Variants in DRC8 observed in about 807,000 individuals in gnomAD.
DRC8 encodes dynein regulatory complex subunit 8.
At chr1:245,121,271 G>A in the DRC8 span, among the ~76,000 whole-genome samples, 1 of 152,326 alleles carries the variant, frequency 6.6e-6, no homozygotes, top group East Asian at 1.9e-4. Context: ...TGTGATCGTT[G>A]CTGTTCCAAG....
chr1:244,970,792 C>T, the DRC8 span: 1 of 372,932 alleles, frequency 2.7e-6, no homozygotes, highest in East Asian at 4.5e-5. Flanking sequence ...CTTCCCCCTC[C>T]CTCGGAGGCC....
At chr1:244,985,148 C>T in the DRC8 span, among the ~76,000 whole-genome samples, 21 of 144,368 alleles carry the variant, frequency 1.5e-4, no homozygotes, top group Middle Eastern at 0.011. Flanking sequence ...CTTCATTATA[C>T]GCTTCATCAT....
At chr1:245,083,802 A>T in the DRC8 span, 1 of 1,422,910 alleles carries the variant, frequency 7.0e-7, no homozygotes, top group Non-Finnish European at 9.3e-7. Context: ...GGTGAAAGTT[A>T]TTTACTGTTC....
At chr1:245,031,183 C>T in the DRC8 span, among the ~76,000 whole-genome samples, 6 of 151,880 alleles carry the variant, frequency 4.0e-5, no homozygotes, top group South Asian at 2.1e-4. Context: ...GTAAACTCAC[C>T]GGTTTATTAC....
chr1:245,081,332 T>G, the DRC8 span, among the ~76,000 whole-genome samples: 1 of 151,780 alleles, frequency 6.6e-6, no homozygotes, highest in Non-Finnish European at 1.5e-5. Context: ...TGGCTAATTT[T>G]TTGTAGTTTT....
chr1:245,053,924 A>G, the DRC8 span, among the ~76,000 whole-genome samples: 10 of 152,090 alleles, frequency 6.6e-5, no homozygotes, highest in Non-Finnish European at 7.4e-5. Flanking sequence ...GGGTGGCTGG[A>G]AGAACACTGA....
chr1:244,970,692 C>A, the DRC8 span: 2 of 453,286 alleles, frequency 4.4e-6, no homozygotes, highest in South Asian at 2.9e-5. Flanking sequence ...TCTCTCCCCT[C>A]TTCCCTCCCT....
chr1:245,012,929 A>G, the DRC8 span, among the ~76,000 whole-genome samples: 2 of 152,230 alleles, frequency 1.3e-5, no homozygotes, highest in Admixed American at 1.3e-4. Context: ...ATGCTATGGT[A>G]ATGGCACAAG....
At chr1:244,984,789 C>G in the DRC8 span, among the ~76,000 whole-genome samples, 1 of 150,108 alleles carries the variant, frequency 6.7e-6, no homozygotes, top group Non-Finnish European at 1.5e-5. Context: ...GAGCCGAGAT[C>G]ATGCCACTAC....
At chr1:245,055,795 C>T in the DRC8 span, among the ~76,000 whole-genome samples, 2 of 152,194 alleles carry the variant, frequency 1.3e-5, no homozygotes, top group Non-Finnish European at 2.9e-5. Context: ...CGCTCGCTGC[C>T]TATCCCTGGG....
the DRC8 span, among the ~76,000 whole-genome samples, chr1:244,999,093 G>C: frequency 6.8e-6 from 1 of 146,552 alleles, no homozygotes; most frequent in Non-Finnish European, 1.5e-5. Context: ...GAAAGAAAAG[G>C]AGAGGAAGGG....
chr1:245,065,803 G>A, the DRC8 span, among the ~76,000 whole-genome samples: 3 of 151,458 alleles, frequency 2.0e-5, no homozygotes, highest in Admixed American at 1.3e-4. Flanking sequence ...GGAATAGAGT[G>A]TTCAGTCTTC....
chr1:245,050,819 C>T, the DRC8 span, among the ~76,000 whole-genome samples: 1 of 151,966 alleles, frequency 6.6e-6, no homozygotes, highest in African/African-American at 2.4e-5. Context: ...TTATTGAGGT[C>T]AGTCCTCTTC....
chr1:245,008,991 G>A, the DRC8 span, among the ~76,000 whole-genome samples: 2 of 145,778 alleles, frequency 1.4e-5, no homozygotes, highest in African/African-American at 2.5e-5. Context: ...CCTGGCCCTC[G>A]CACAAATTTT....
chr1:244,985,291 T>C, the DRC8 span, among the ~76,000 whole-genome samples: 2 of 152,226 alleles, frequency 1.3e-5, no homozygotes, highest in Non-Finnish European at 2.9e-5. Flanking sequence ...TTAATCCTTA[T>C]GGGCTCAAAT....
chr1:245,107,735 G>A, the DRC8 span, among the ~76,000 whole-genome samples: 5 of 152,098 alleles, frequency 3.3e-5, no homozygotes, highest in Non-Finnish European at 5.9e-5. Flanking sequence ...ACCACTCCAG[G>A]CACCGGGCTC....
At chr1:244,988,745 C>T in the DRC8 span, among the ~76,000 whole-genome samples, 2 of 152,086 alleles carry the variant, frequency 1.3e-5, no homozygotes, top group Non-Finnish European at 2.9e-5. Context: ...ACTTACTTTC[C>T]TGAGATACTA....
chr1:245,057,045 G>A, the DRC8 span, among the ~76,000 whole-genome samples: 3 of 152,286 alleles, frequency 2.0e-5, no homozygotes, highest in East Asian at 1.9e-4. Flanking sequence ...GGGAAGTGAT[G>A]TACGGAAAAT....
chr1:245,022,193 A>G, the DRC8 span, among the ~76,000 whole-genome samples: 2 of 150,368 alleles, frequency 1.3e-5, no homozygotes, highest in African/African-American at 2.5e-5. Flanking sequence ...TTGCCCAGGC[A>G]GGAGCGCAGT....
Sources: allele counts gnomAD v4.1 joint callset (sites outside exome capture counted in the v4.1 genomes callset), GRCh38; gene constraint gnomAD v4.1.1; transcripts MANE v1.5; gene names NCBI Gene and HGNC (gene_info 2026-07-23, HGNC 2026-07-21).